Variants in PDS5A observed in about 807,000 individuals in gnomAD.
PDS5A encodes PDS5 cohesin associated factor A.
PDS5A carries 42 observed loss-of-function variants against 167.1 expected under a neutral mutation model. The ratio of observed to expected loss-of-function variants is 0.25; its 90% confidence interval spans 0.20 to 0.33. The LOEUF (loss-of-function observed/expected upper bound fraction) is 0.33. Among genes scored for constraint, PDS5A ranks in the 10% least tolerant of loss-of-function variants. The pLI is 1.00. For synonymous variants in PDS5A, 553 were observed against 554.6 expected, an observed-to-expected ratio of 1.00 and a Z score of 0.04; for missense variants, 1,033 against 1,605.9, an observed-to-expected ratio of 0.64 and a Z score of 6.10.
chr4:39,936,790 T>A (rs1726658246), intron 2 of PDS5A: 1 of 152,106 alleles, frequency 6.6e-6, no homozygotes. Flanking sequence ...CTTGGAAGCC[T>A]AAACAAGATT....
chr4:39,827,950 CG>C (rs1189993980), intron 32 of PDS5A, among the ~76,000 whole-genome samples: 2 of 152,086 alleles, frequency 1.3e-5, no homozygotes, highest in Non-Finnish European at 2.9e-5. Context: ...TTCACAACAC[CG>C]GGAACTGTTT....
Position 39,890,276 on chromosome 4 carries a change from G to A in PDS5A, c.1859C>T (p.Pro620Leu). The A allele has an allele frequency of 6.4e-7, 1 of 1,568,128 alleles. No individual in the cohort carries two copies. ...TATGGCTTCTGAATCAATGTGCACA[G>A]GTGCGATTCTTTCCAACAGAAATTT... ...MVKFLLERIA[P>L]VHIDSEAISA... Residue 620 changes from proline (P) to leucine (L), a missense_variant, in exon 17 of 33, where the codon CCT becomes CTT. Physicochemically the swap from Pro to Leu is moderately conservative, Grantham distance 98. Coordinates refer to ENST00000303538, the MANE Select transcript of PDS5A (RefSeq NM_001100399.2).
At chr4:39,917,290 C>T (rs1442565828) in intron 7 of PDS5A, 102 bp from the exon 8 acceptor site, 2 of 704,268 alleles carry the variant, frequency 2.8e-6, no homozygotes, top group Non-Finnish European at 4.5e-6. Flanking sequence ...TTAGGTATTA[C>T]ATATACAATT....
chr4:39,961,812 G>A (rs1163226526), intron 2 of PDS5A, among the ~76,000 whole-genome samples: 1 of 152,170 alleles, frequency 6.6e-6, no homozygotes, highest in Non-Finnish European at 1.5e-5. Flanking sequence ...CTCTTACTGT[G>A]AGCATTATAT....
At chr4:39,938,873 G>C (rs987370253) in intron 2 of PDS5A, among the ~76,000 whole-genome samples, 16 of 152,008 alleles carry the variant, frequency 1.1e-4, no homozygotes, top group African/African-American at 3.9e-4. Flanking sequence ...AGGAGGCTGA[G>C]GCAGAAGAAT....
chr4:39,935,802 C>T (rs1476887073), intron 2 of PDS5A, among the ~76,000 whole-genome samples: 1 of 152,212 alleles, frequency 6.6e-6, no homozygotes. Flanking sequence ...GGTACAACCA[C>T]TTCAGATAAC....
intron 2 of PDS5A, among the ~76,000 whole-genome samples, chr4:39,962,050 A>G (rs986714502): frequency 2.0e-5 from 3 of 148,812 alleles, no homozygotes; most frequent in Non-Finnish European, 4.5e-5. Context: ...GTATCACTCA[A>G]TTCTGAGTTT....
intron 2 of PDS5A, among the ~76,000 whole-genome samples, chr4:39,952,888 T>C (rs1169330798): frequency 1.3e-5 from 2 of 152,070 alleles, no homozygotes; most frequent in Non-Finnish European, 2.9e-5. Flanking sequence ...ACCACCATGC[T>C]TGGCTAATTT....
At chr4:39,976,380 G>C in intron 2 of PDS5A, 60 bp downstream of exon 2, 2 of 1,462,878 alleles carry the variant, frequency 1.4e-6, no homozygotes, top group Non-Finnish European at 9.5e-7. Flanking sequence ...GAGCAGGGTA[G>C]CAGTATCACA....
intron 26 of PDS5A, among the ~76,000 whole-genome samples, chr4:39,854,009 TG>T (rs1718329773): frequency 6.6e-6 from 1 of 152,140 alleles, no homozygotes; most frequent in Non-Finnish European, 1.5e-5. Flanking sequence ...ATTTGTAAAA[TG>T]GGAACAACAG....
At chr4:39,853,348 T>C (rs1718275023) in intron 26 of PDS5A, among the ~76,000 whole-genome samples, 2 of 152,226 alleles carry the variant, frequency 1.3e-5, no homozygotes, top group Non-Finnish European at 2.9e-5. Flanking sequence ...AAAAACCATG[T>C]AGCTGAGAAG....
intron 32 of PDS5A, among the ~76,000 whole-genome samples, chr4:39,831,902 A>G (rs967908133): frequency 2.7e-5 from 4 of 148,186 alleles, no homozygotes; most frequent in African/African-American, 9.9e-5. Context: ...AAAAAAAAAA[A>G]AAGAATATTA....
chr4:39,826,232 T>G (rs1341345014), intron 32 of PDS5A, among the ~76,000 whole-genome samples: 1 of 151,492 alleles, frequency 6.6e-6, no homozygotes. Context: ...AGGGAAATTC[T>G]GATCCCTGGA....
chr4:39,825,409 T>C lies in PDS5A; in HGVS notation c.*76A>G. On this transcript the variant is annotated 3_prime_UTR_variant, in exon 33 of 33. Coordinates refer to ENST00000303538, the MANE Select transcript of PDS5A (RefSeq NM_001100399.2). ...AGCTTCATTTTCTGTTCAGGGACAT[T>C]TGTGAATCCAAGTTTTTGCAGAAGC... is the stretch of plus-strand genomic sequence containing the variant. 7.9e-7 allele frequency: 1 copy of C among 1,260,450 alleles called. No individual in the cohort carries two copies. The highest frequency in any genetic ancestry group is 1.1e-6 in the Non-Finnish European group (1 of 889,442). 78.1% of individuals were successfully genotyped at this position (1,260,450 alleles called of 1,614,324 possible).
In PDS5A at chr4:39,954,570, C is replaced by T. The variant is rs963699261; in HGVS notation, c.138+21870G>A. ...TCCTGACCTCAGGTGATCCACCCGCCTTGGCCTCTCAAAGTGCTGGGATTA... is the reference window on the plus strand; with the variant it reads ...TCCTGACCTCAGGTGATCCACCCGCTTTGGCCTCTCAAAGTGCTGGGATTA... On this transcript the variant is annotated intron_variant, in intron 2 of 32. Coordinates refer to ENST00000303538, the MANE Select transcript of PDS5A (RefSeq NM_001100399.2). Among the ~76,000 whole-genome samples the T allele has an allele frequency of 3.3e-5, 5 of 151,168 alleles. No homozygotes were observed. The Admixed American group carries it at 3.3e-4, about 10-fold the overall frequency.
chr4:39,970,263 C>T lies in PDS5A; in HGVS notation c.138+6177G>A, dbSNP rs144517656. On this transcript the variant is annotated intron_variant, in intron 2 of 32. Transcript: ENST00000303538. ...TAGACAGAAATAAACATGGCATGTTCAGGAAACCAACCGAAGACCACTGTG... is the reference window on the plus strand; with the variant it reads ...TAGACAGAAATAAACATGGCATGTTTAGGAAACCAACCGAAGACCACTGTG... Among the ~76,000 whole-genome samples the T allele has an allele frequency of 5.9e-3, 898 of 151,970 alleles. 18 individuals are homozygous for T. The highest frequency in any genetic ancestry group is 0.02 in the African/African-American group (825 of 41,354).
At chr4:39,975,225 G>A (rs140560412) in intron 2 of PDS5A, among the ~76,000 whole-genome samples, 491 of 152,210 alleles carry the variant, frequency 3.2e-3, no homozygotes, top group Middle Eastern at 6.8e-3. Context: ...GCAGTGAGCT[G>A]AGATCCCGCC....
chr4:39,903,724 C>A (rs17511298), intron 12 of PDS5A, among the ~76,000 whole-genome samples: 1 of 151,852 alleles, frequency 6.6e-6, no homozygotes, highest in African/African-American at 2.4e-5. Flanking sequence ...CGCACAAGAC[C>A]TTAATGAACC....
chr4:39,926,884 A>T, intron 3 of PDS5A, 23 bp from the exon 4 acceptor site: 1 of 1,379,790 alleles, frequency 7.2e-7, no homozygotes. Flanking sequence ...AAAACACATT[A>T]ATTTAGACAC....
Sources: gnomAD v4.1 joint callset for allele counts (sites outside exome capture counted in the v4.1 genomes callset) on GRCh38, gnomAD v4.1.1 for gene constraint, MANE v1.5 for transcripts, NCBI Gene and HGNC (gene_info 2026-07-23, HGNC 2026-07-21) for gene names.